The following SCN2A variants were observed in gnomAD, a reference collection of about 807,000 sequenced individuals.
SCN2A encodes the protein sodium voltage-gated channel alpha subunit 2.
A neutral mutation model predicts 188.7 loss-of-function variants in SCN2A; 20 were observed. That is an observed-to-expected ratio of 0.11 (90% CI 0.07 to 0.15). The LOEUF is 0.15. Among genes scored for constraint, SCN2A ranks in the 10% least tolerant of loss-of-function variants. The probability of loss-of-function intolerance (pLI) is 1.00; values close to 1 mark genes in which losing one functional copy is unlikely to be tolerated. For missense variants in SCN2A, 1,278 were observed against 2,445.0 expected (o/e 0.52, Z 10.07); for synonymous variants, 804 against 833.1 (o/e 0.97, Z 0.60).
chr2:165,315,347 A>G, intron 10 of SCN2A, 124 bp from the exon 11 acceptor site: 1 of 1,472,322 alleles, frequency 6.8e-7, no homozygotes, highest in South Asian at 1.3e-5. Flanking sequence ...TTTCTAAAAC[A>G]CAGAATAAAA....
At chr2:165,255,429 C>G (rs1443484965) in intron 1 of SCN2A, among the ~76,000 whole-genome samples, 2 of 151,872 alleles carry the variant, frequency 1.3e-5, no homozygotes, top group African/African-American at 4.8e-5. Flanking sequence ...ATTTGGTATT[C>G]ACGTTAATTT....
chr2:165,279,726 A>T (rs1455594111), intron 1 of SCN2A, among the ~76,000 whole-genome samples: 1 of 152,160 alleles, frequency 6.6e-6, no homozygotes. Flanking sequence ...CAATTCACAG[A>T]ACTTGATAGA....
chr2:165,355,062 C>G (rs1385814979), intron 17 of SCN2A, among the ~76,000 whole-genome samples: 2 of 152,194 alleles, frequency 1.3e-5, no homozygotes, highest in Admixed American at 6.5e-5. Context: ...CAATTCTCAT[C>G]TTGCTATGTT....
In SCN2A at chr2:165,310,612, A is replaced by G. The variant is rs773533211; in HGVS notation, c.970+17A>G. ...AGGATAAAAGTAAGATATACTCTAT[A>G]AACCATTAAGTTGTTTAGTTCTCTA... On this transcript the variant is annotated intron_variant, in intron 7 of 26. Coordinates refer to ENST00000375437, the MANE Select transcript of SCN2A (RefSeq NM_001040142.2). 1 of 1,583,744 alleles carries G rather than the reference A, an allele frequency of 6.3e-7. No individual in the cohort carries two copies. Among genetic ancestry groups the G allele is most frequent in the South Asian group, 1.1e-5 (1 of 89,094 alleles).
rs754966737 is a variant in SCN2A, at chr2:165,265,469, A to ATCTCTCTCTCTCTC, written c.-52+25832_-52+25833insCTCTCTCTCTCTCT. Among the ~76,000 whole-genome samples the ATCTCTCTCTCTCTC allele has an allele frequency of 6.9e-3, 449 of 65,176 alleles. 5 individuals carry two copies. Among genetic ancestry groups the ATCTCTCTCTCTCTC allele is most frequent in the Middle Eastern group, 0.012 (1 of 86 alleles). The allele number at this position is 65,176 out of a possible 152,430, so 42.8% of individuals were successfully genotyped here. A position where few individuals can be genotyped will look rare whatever the true frequency, so the allele number is the denominator to read the frequency against. On this transcript the variant is annotated intron_variant, in intron 1 of 26. Coordinates refer to ENST00000375437, the MANE Select transcript of SCN2A (RefSeq NM_001040142.2). The stretch of plus-strand genomic sequence containing the variant: ...TCTAGGTTATGTGTTTACTCTGTTG[A>ATCTCTCTCTCTCTC]TCTATATATATATATATATATATAT...
intron 17 of SCN2A, 94 bp from the exon 18 acceptor site, chr2:165,365,049 A>G: frequency 1.8e-6 from 2 of 1,137,750 alleles, no homozygotes; most frequent in Non-Finnish European, 2.5e-6. Flanking sequence ...AAGAAAATGC[A>G]TACAGAAGAT....
intron 1 of SCN2A, among the ~76,000 whole-genome samples, chr2:165,244,560 A>G (rs191001933): frequency 1.3e-5 from 2 of 152,312 alleles, no homozygotes; most frequent in East Asian, 3.9e-4. Context: ...TTTTAGAGAA[A>G]TGATTTAAGA....
intron 6 of SCN2A, among the ~76,000 whole-genome samples, chr2:165,309,801 A>G (rs898785585): frequency 6.6e-6 from 1 of 152,180 alleles, no homozygotes; most frequent in Non-Finnish European, 1.5e-5. Context: ...TTTAAGCTGC[A>G]GATAAATGAA....
At position 165,308,807 on chromosome 2, in the gene SCN2A, A is replaced by G. The variant is rs1553567417; in HGVS notation, c.605+13A>G. The G allele has an allele frequency of 6.2e-7, 1 of 1,612,284 alleles. No individual in the cohort carries two copies. The highest frequency in any genetic ancestry group is 1.3e-5 in the African/African-American group (1 of 74,854). On this transcript the variant is annotated intron_variant, in intron 5 of 26. Transcript: ENST00000375437. ...TCATTACTTTTGCGTAAGTATCTTA[A>G]TACATTTTCTATCCTGGAAGAGTAA... is the stretch of plus-strand genomic sequence containing the variant.
intron 1 of SCN2A, among the ~76,000 whole-genome samples, chr2:165,291,605 T>C (rs1038882691): frequency 2.2e-4 from 31 of 139,670 alleles, no homozygotes; most frequent in African/African-American, 6.5e-4. Context: ...CTCTCTTTCT[T>C]TCTTTGTCTT....
chr2:165,313,627 C>G lies in SCN2A; in HGVS notation c.1042C>G (p.Pro348Ala). ...CGNSSDAGQC[P>A]EGYICVKAGR... ...CCTCTAACCTAATTATAGCCAGTGT[C>G]CTGAAGGATACATCTGTGTGAAGGC... Residue 348 changes from proline to alanine, a missense_variant, in exon 9 of 27, where the codon CCT becomes GCT. Physicochemically the swap from Pro to Ala is conservative, Grantham distance 27 (BLOSUM62 -1). Around this residue, in one of 17 missense-constraint regions of SCN2A, gnomAD observed 42 missense variants for 137.3 expected, o/e 0.31. Transcript: ENST00000375437. 6.2e-7 allele frequency: 1 copy of G among 1,613,422 alleles called. No homozygotes were observed. Among genetic ancestry groups the G allele is most frequent in the Non-Finnish European group, 8.5e-7 (1 of 1,179,494 alleles).
chr2:165,375,559 G>A (rs1163928206), intron 22 of SCN2A, among the ~76,000 whole-genome samples: 1 of 151,904 alleles, frequency 6.6e-6, no homozygotes, highest in East Asian at 1.9e-4. Context: ...CAGAGCCTGT[G>A]GCACTAAGAA....
At chr2:165,353,770 C>G (rs886744217) in intron 16 of SCN2A, among the ~76,000 whole-genome samples, 5 of 152,140 alleles carry the variant, frequency 3.3e-5, no homozygotes, top group African/African-American at 1.2e-4. Flanking sequence ...CATGAGGGAT[C>G]TGACCCCATC....
At chr2:165,240,135 T>C (rs1329291172) in intron 1 of SCN2A, 1 of 152,226 alleles carries the variant, frequency 6.6e-6, no homozygotes, top group East Asian at 1.9e-4. Context: ...TCTTTATTTT[T>C]ACCTCTTAGA....
At position 165,389,687 on chromosome 2, in the gene SCN2A, G is replaced by C; in HGVS notation, c.5881G>C (p.Glu1961Gln). The C allele has an allele frequency of 6.2e-7, 1 of 1,613,906 alleles. No homozygotes were observed. The highest frequency in any genetic ancestry group is 8.5e-7 in the Non-Finnish European group (1 of 1,179,940). Residue 1961 changes from glutamate (E) to glutamine (Q), a missense_variant, in exon 27 of 27, where the codon GAG becomes CAG. Coordinates refer to ENST00000375437, the MANE Select transcript of SCN2A (RefSeq NM_001040142.2). This position sits in a 1 kb window ranked among gnomAD's most constrained non-coding sequence, Gnocchi z 4.2. ...IDKLNENSTPEKTDMTPSTTS... is the reference protein window; with the variant it reads ...IDKLNENSTPQKTDMTPSTTS... ...TAAACTGAATGAGAATTCAACTCCA[G>C]AGAAAACCGATATGACGCCTTCCAC...
intron 1 of SCN2A, among the ~76,000 whole-genome samples, chr2:165,289,257 T>C (rs994376324): frequency 3.9e-5 from 6 of 152,052 alleles, no homozygotes; most frequent in Admixed American, 1.3e-4. Context: ...ATCTTTCATA[T>C]AACTTTTTGC....
intron 23 of SCN2A, 61 bp from the exon 24 acceptor site, chr2:165,380,531 T>G: frequency 4.0e-6 from 5 of 1,243,182 alleles, no homozygotes; most frequent in Non-Finnish European, 4.7e-6. Context: ...AAAAACTCAC[T>G]GATGTACTTT....
intron 11 of SCN2A, among the ~76,000 whole-genome samples, chr2:165,322,950 G>A (rs1698149192): frequency 6.6e-6 from 1 of 152,148 alleles, no homozygotes; most frequent in Non-Finnish European, 1.5e-5. Context: ...AGGAGAAAAA[G>A]CGAGAGTGAA....
chr2:165,248,133 A>T (rs1693930361), intron 1 of SCN2A, among the ~76,000 whole-genome samples: 1 of 152,146 alleles, frequency 6.6e-6, no homozygotes, highest in South Asian at 2.1e-4. Context: ...TTTCTGCCTT[A>T]ATTTCCTAAT....
Sources: allele counts gnomAD v4.1 joint callset (sites outside exome capture counted in the v4.1 genomes callset), GRCh38; gene constraint gnomAD v4.1.1; regional missense constraint gnomAD v4.1.1; non-coding constraint Gnocchi (gnomAD v3.1); transcripts MANE v1.5; gene names NCBI Gene and HGNC (gene_info 2026-07-23, HGNC 2026-07-21).